ARG2: variants seen among roughly 807,000 people sequenced by gnomAD.
The protein encoded by ARG2 is arginase 2.
Under a neutral mutation model 39.4 loss-of-function variants are expected in ARG2, and 21 were observed. That is an observed-to-expected ratio of 0.53 (90% CI 0.38 to 0.77). The LOEUF (loss-of-function observed/expected upper bound fraction) is 0.77. ARG2 is among the 30% of genes least tolerant of loss of function. The pLI, the probability that ARG2 is intolerant of heterozygous loss-of-function variation, is 0.00. For synonymous variants in ARG2, 150 were observed against 156.7 expected (o/e 0.96, Z 0.32); for missense variants, 378 against 426.2 (o/e 0.89, Z 1.00).
At chr14:67,624,820 G>T (rs1257941026) in intron 2 of ARG2, among the ~76,000 whole-genome samples, 1 of 152,172 alleles carries the variant, frequency 6.6e-6, no homozygotes, top group East Asian at 1.9e-4. Context: ...GCAATCTGGG[G>T]AGCATTTATT....
chr14:67,620,980 T>C lies in ARG2; in HGVS notation c.184+14T>C. 3.1e-6 allele frequency: 5 copies of C among 1,612,856 alleles called. No individual in the cohort carries two copies. In the South Asian group the frequency reaches 4.4e-5, roughly 14 times the overall value. On this transcript the variant is annotated intron_variant, in intron 2 of 7. Coordinates refer to ENST00000261783, the MANE Select transcript of ARG2 (RefSeq NM_001172.4). ...TCTCCAGTTTGGGTAAGTGGTTAGA[T>C]TTTTAGATATTAGTGCAGGACTAGT... is the stretch of plus-strand genomic sequence containing the variant.
At chr14:67,624,206 G>T (rs1047975649) in intron 2 of ARG2, among the ~76,000 whole-genome samples, 1 of 152,174 alleles carries the variant, frequency 6.6e-6, no homozygotes, top group African/African-American at 2.4e-5. Flanking sequence ...CATGTGAGAA[G>T]GAGTGGGCCT....
intron 5 of ARG2, 46 bp from the exon 6 acceptor site, chr14:67,646,875 A>G (rs765825080): frequency 3.4e-6 from 5 of 1,452,238 alleles, no homozygotes; most frequent in Non-Finnish European, 4.8e-6. Flanking sequence ...TATTTGTTAA[A>G]AATGCTCTTT....
chr14:67,619,939 G>T lies in ARG2; in HGVS notation c.-39G>T, dbSNP rs570730709. ...GCGCTCACTCCCGGCTTCCAACCGCGCGGAGCCTCTGCCTTGGAGATTCTC... is the reference window on the plus strand; with the variant it reads ...GCGCTCACTCCCGGCTTCCAACCGCTCGGAGCCTCTGCCTTGGAGATTCTC... On this transcript the variant is annotated 5_prime_UTR_variant, in exon 1 of 8. Coordinates refer to ENST00000261783, the MANE Select transcript of ARG2 (RefSeq NM_001172.4). 7.1e-7 allele frequency: 1 copy of T among 1,407,646 alleles called. No individual in the cohort carries two copies. Among genetic ancestry groups the T allele is most frequent in the Non-Finnish European group, 9.6e-7 (1 of 1,046,360 alleles). 87.2% of individuals were successfully genotyped at this position (1,407,646 alleles called of 1,614,324 possible). A position where few individuals can be genotyped will look rare whatever the true frequency, so the allele number is the denominator to read the frequency against.
At chr14:67,647,855 T>G in intron 6 of ARG2, 192 bp from the exon 7 acceptor site, 1 of 602,800 alleles carries the variant, frequency 1.7e-6, no homozygotes. Context: ...AAGTGGTATG[T>G]AGGAAGTTAA....
At chr14:67,632,767 G>A (rs1447768337) in intron 2 of ARG2, among the ~76,000 whole-genome samples, 2 of 143,530 alleles carry the variant, frequency 1.4e-5, no homozygotes, top group South Asian at 2.2e-4. Flanking sequence ...AGGAAGGGAG[G>A]TCTCTTTCTT....
chr14:67,636,933 G>C (rs2036977706), intron 2 of ARG2, among the ~76,000 whole-genome samples: 1 of 152,198 alleles, frequency 6.6e-6, no homozygotes, highest in Non-Finnish European at 1.5e-5. Flanking sequence ...ACTTACAGAT[G>C]AATTGACCTG....
chr14:67,633,325 G>T (rs1479934821), intron 2 of ARG2, among the ~76,000 whole-genome samples: 1 of 151,960 alleles, frequency 6.6e-6, no homozygotes, highest in Non-Finnish European at 1.5e-5. Context: ...TTTGTCTGCA[G>T]AATTTCTCTG....
intron 2 of ARG2, among the ~76,000 whole-genome samples, chr14:67,641,243 A>C (rs1473421305): frequency 1.3e-5 from 2 of 152,276 alleles, no homozygotes; most frequent in East Asian, 3.9e-4. Flanking sequence ...ATGAAACACA[A>C]GTTTTGTGTT....
At chr14:67,639,137 G>A (rs781209107) in intron 2 of ARG2, among the ~76,000 whole-genome samples, 5 of 152,196 alleles carry the variant, frequency 3.3e-5, no homozygotes, top group Admixed American at 2.0e-4. Flanking sequence ...TCCTGGGAAC[G>A]TTACTGTAAG....
At position 67,651,577 on chromosome 14, in the gene ARG2, T is replaced by C; in HGVS notation, c.*657T>C. The stretch of plus-strand genomic sequence containing the variant: ...GACCTGGGACCACGGCTGGATACTC[T>C]GAGGCTGTATGTTTGATCACACAGC... On this transcript the variant is annotated 3_prime_UTR_variant, in exon 8 of 8. Transcript: ENST00000261783. The C allele has an allele frequency of 7.3e-7, 1 of 1,364,764 alleles. No individual in the cohort carries two copies. The highest frequency in any genetic ancestry group is 1.4e-5 in the South Asian group (1 of 71,584). The allele number at this position is 1,364,764 out of a possible 1,614,324, so 84.5% of individuals were successfully genotyped here. A position where few individuals can be genotyped will look rare whatever the true frequency, so the allele number is the denominator to read the frequency against.
rs3070464 is a variant in ARG2, at chr14:67,627,256, G to GATATATATATATATAT, written c.184+6301_184+6316dup. Reference sequence around the variant, plus strand: ...ACTAGGCAATTGTGATCAGTAAGGAGATATATATATATATATATATATATA... The same window carrying GATATATATATATATAT: ...ACTAGGCAATTGTGATCAGTAAGGAGATATATATATATATATATATATATATATATATATATATATA... On this transcript the variant is annotated intron_variant, in intron 2 of 7. Coordinates refer to ENST00000261783, the MANE Select transcript of ARG2 (RefSeq NM_001172.4). Among the ~76,000 whole-genome samples, 811 of 133,578 alleles carry GATATATATATATATAT rather than the reference G, an allele frequency of 6.1e-3. 8 individuals carry two copies. Among genetic ancestry groups the GATATATATATATATAT allele is most frequent in the Middle Eastern group, 0.016 (4 of 254 alleles). The allele number at this position is 133,578 out of a possible 152,430, so 87.6% of individuals were successfully genotyped here.
intron 2 of ARG2, among the ~76,000 whole-genome samples, chr14:67,638,196 C>T (rs2036992117): frequency 6.6e-6 from 1 of 152,094 alleles, no homozygotes; most frequent in Admixed American, 6.6e-5. Context: ...TTAATTTACT[C>T]TAATAACCTT....
chr14:67,648,592 G>C (rs1476893106), intron 7 of ARG2: 1 of 156,202 alleles, frequency 6.4e-6, no homozygotes, highest in African/African-American at 2.4e-5. Flanking sequence ...CTGATCTCTT[G>C]AAGAAATCTG....
At chr14:67,632,757 A>G (rs1314840806) in intron 2 of ARG2, among the ~76,000 whole-genome samples, 1 of 146,276 alleles carries the variant, frequency 6.8e-6, no homozygotes, top group Non-Finnish European at 1.5e-5. Flanking sequence ...AATAGAAGGA[A>G]GGAAGGGAGG....
chr14:67,650,068 A>G (rs1850887054), intron 7 of ARG2: 1 of 152,428 alleles, frequency 6.6e-6, no homozygotes, highest in Non-Finnish European at 1.5e-5. Context: ...AATAATTAAC[A>G]TATGGCTGAA....
At chr14:67,632,498 C>T (rs2036927842) in intron 2 of ARG2, among the ~76,000 whole-genome samples, 1 of 152,152 alleles carries the variant, frequency 6.6e-6, no homozygotes, top group African/African-American at 2.4e-5. Context: ...ACAGACTTCT[C>T]ATATCTTAAC....
intron 7 of ARG2, 189 bp from the exon 8 acceptor site, chr14:67,650,526 C>T (rs185690128): frequency 1.3e-5 from 8 of 607,014 alleles, no homozygotes; most frequent in Non-Finnish European, 2.1e-5. Context: ...TACTATAGCA[C>T]AACAGTGTTT....
chr14:67,623,036 C>T (rs909197581), intron 2 of ARG2, among the ~76,000 whole-genome samples: 4 of 152,162 alleles, frequency 2.6e-5, no homozygotes, highest in African/African-American at 9.6e-5. Context: ...GATGGTGAGG[C>T]TTCAGTTTAT....
Sources: gnomAD v4.1 joint callset for allele counts (sites outside exome capture counted in the v4.1 genomes callset) on GRCh38, gnomAD v4.1.1 for gene constraint, MANE v1.5 for transcripts, NCBI Gene and HGNC (gene_info 2026-07-23, HGNC 2026-07-21) for gene names.